KLRG2: variants seen among roughly 807,000 people sequenced by gnomAD.
KLRG2 encodes killer cell lectin-like receptor subfamily G member 2.
A neutral mutation model predicts 35.4 loss-of-function variants in KLRG2; 39 were observed. The ratio of observed to expected loss-of-function variants is 1.10; its 90% CI spans 0.85 to 1.44. KLRG2 has a LOEUF of 1.44. Among genes scored for constraint, KLRG2 ranks in the 40% most tolerant of loss-of-function variants. The pLI, the probability that KLRG2 is intolerant of heterozygous loss-of-function variation, is 0.00. For missense variants in KLRG2, 632 were observed against 570.9 expected (o/e 1.11, Z -1.09); for synonymous variants, 283 against 265.8 (o/e 1.06, Z -0.63).
chr7:139,482,768 C>G, intron 1 of KLRG2, 118 bp downstream of exon 1: 1 of 935,694 alleles, frequency 1.1e-6, no homozygotes, highest in Non-Finnish European at 1.4e-6. Context: ...ATCGGGATGG[C>G]CAACTGGGTC....
chr7:139,452,140 TTG>T (rs1243366990), downstream of KLRG2, among the ~76,000 whole-genome samples: 2 of 152,034 alleles, frequency 1.3e-5, no homozygotes, highest in African/African-American at 2.4e-5. Flanking sequence ...AGCTATTTTT[TTG>T]TGTTTTTAGT....
At chr7:139,450,467 CCCA>C (rs1329272239), downstream of KLRG2, among the ~76,000 whole-genome samples, 3 of 152,086 alleles carry the variant, frequency 2.0e-5, no homozygotes, top group Non-Finnish European at 4.4e-5. Flanking sequence ...TTGTGATCTG[CCCA>C]CCGTGGCCTC....
At chr7:139,457,745 C>G (rs556662185) in intron 3 of KLRG2, among the ~76,000 whole-genome samples, 2 of 152,292 alleles carry the variant, frequency 1.3e-5, no homozygotes, top group South Asian at 4.2e-4. Context: ...CTCCCCCGAG[C>G]CCCAGCCCCG....
chr7:139,480,391 C>T, intron 1 of KLRG2, 144 bp from the exon 2 acceptor site: 1 of 529,526 alleles, frequency 1.9e-6, no homozygotes, highest in Non-Finnish European at 3.4e-6. Flanking sequence ...ACATAAACCA[C>T]AACGTTTAAG....
At position 139,480,198 on chromosome 7, in the gene KLRG2, A is replaced by C. The variant is rs1232755095; in HGVS notation, c.807T>G (p.Ala269=). 6.2e-7 allele frequency: 1 copy of C among 1,613,772 alleles called. No homozygotes were observed. The highest frequency in any genetic ancestry group is 8.5e-7 in the Non-Finnish European group (1 of 1,179,888). ...KSLYWALAFM[A]VLLAVSGVVI... is the part of the protein sequence containing the mutation. Reference sequence around the variant, plus strand: ...CAACCCCAGAGACTGCCAGGAGCACAGCCATGAACGCCAGGGCCCAGTACA... The same window carrying C: ...CAACCCCAGAGACTGCCAGGAGCACCGCCATGAACGCCAGGGCCCAGTACA... The change falls in exon 2 of 5, where the codon GCT becomes GCG. Residue 269 remains alanine (A), a synonymous_variant. Coordinates refer to ENST00000340940, the MANE Select transcript of KLRG2 (RefSeq NM_198508.4).
chr7:139,430,834 C>A, the KLRG2 span, among the ~76,000 whole-genome samples: 2 of 151,962 alleles, frequency 1.3e-5, no homozygotes, highest in Non-Finnish European at 2.9e-5. Context: ...CATGGTGAAA[C>A]CCTGTCTCTA....
At chr7:139,436,460 C>T in the KLRG2 span, among the ~76,000 whole-genome samples, 1 of 152,176 alleles carries the variant, frequency 6.6e-6, no homozygotes, top group East Asian at 1.9e-4. Flanking sequence ...AAAACAATCC[C>T]AGTCCTTCCT....
chr7:139,475,561 T>TG (rs1267062977), intron 3 of KLRG2, among the ~76,000 whole-genome samples: 6 of 150,450 alleles, frequency 4.0e-5, no homozygotes, highest in South Asian at 4.2e-4. Flanking sequence ...GTCCCCGTGC[T>TG]GGGGGGGTGG....
the KLRG2 span, among the ~76,000 whole-genome samples, chr7:139,444,200 C>A: frequency 6.6e-6 from 1 of 152,186 alleles, no homozygotes; most frequent in African/African-American, 2.4e-5. Context: ...CTGCCTCTTC[C>A]AGTCCACTGA....
downstream of KLRG2, among the ~76,000 whole-genome samples, chr7:139,450,535 A>C (rs922090347): frequency 6.6e-6 from 1 of 152,152 alleles, no homozygotes; most frequent in Non-Finnish European, 1.5e-5. Flanking sequence ...ATTAACAATT[A>C]TCTTGATGAA....
At chr7:139,453,844 C>T (rs562324738) in intron 4 of KLRG2, 137 bp from the exon 5 acceptor site, 48 of 1,029,140 alleles carry the variant, frequency 4.7e-5, no homozygotes, top group South Asian at 1.5e-4. Context: ...TGGTCAGCCA[C>T]GTGGCACTGG....
intron 3 of KLRG2, among the ~76,000 whole-genome samples, chr7:139,455,709 C>T (rs186273897): frequency 1.2e-4 from 19 of 152,268 alleles, no homozygotes; most frequent in South Asian, 1.0e-3. Context: ...CGGCACGGCC[C>T]GCATCAGCTT....
the KLRG2 span, among the ~76,000 whole-genome samples, chr7:139,436,965 C>T: frequency 0.033 from 4,990 of 152,266 alleles, 98 homozygotes; most frequent in African/African-American, 0.062. Flanking sequence ...CAGCCTCACC[C>T]GGACTGTGTG....
chr7:139,471,138 G>A (rs946091996), intron 3 of KLRG2, among the ~76,000 whole-genome samples: 4 of 151,832 alleles, frequency 2.6e-5, no homozygotes, highest in East Asian at 1.9e-4. Context: ...GTGAGCCACC[G>A]GGCCCGGACT....
At chr7:139,458,298 A>C (rs1796510275) in intron 3 of KLRG2, among the ~76,000 whole-genome samples, 1 of 151,098 alleles carries the variant, frequency 6.6e-6, no homozygotes, top group Non-Finnish European at 1.5e-5. Flanking sequence ...GGATGGCTTG[A>C]CCCCGGGAGG....
At chr7:139,455,384 C>T (rs369352156) in intron 3 of KLRG2, among the ~76,000 whole-genome samples, 3 of 143,464 alleles carry the variant, frequency 2.1e-5, no homozygotes, top group African/African-American at 7.8e-5. Context: ...TGCAGTGGCG[C>T]GATCTCGGCT....
At chr7:139,458,870 G>A (rs1457703362) in intron 3 of KLRG2, among the ~76,000 whole-genome samples, 1 of 152,164 alleles carries the variant, frequency 6.6e-6, no homozygotes, top group Non-Finnish European at 1.5e-5. Context: ...GTACCTCTGG[G>A]CACCCTGGCC....
At chr7:139,465,204 C>G (rs1585168594) in intron 3 of KLRG2, among the ~76,000 whole-genome samples, 1 of 152,364 alleles carries the variant, frequency 6.6e-6, no homozygotes, top group East Asian at 1.9e-4. Flanking sequence ...TAGCCAAACT[C>G]ATTGCCTTCA....
chr7:139,439,303 A>G, the KLRG2 span, among the ~76,000 whole-genome samples: 1 of 152,162 alleles, frequency 6.6e-6, no homozygotes, highest in Admixed American at 6.5e-5. Flanking sequence ...GAACTCTACA[A>G]CAGGGAAGAT....
Sources: allele counts gnomAD v4.1 joint callset (sites outside exome capture counted in the v4.1 genomes callset), GRCh38; gene constraint gnomAD v4.1.1; transcripts MANE v1.5; gene names NCBI Gene and HGNC (gene_info 2026-07-23, HGNC 2026-07-21).